ST14: variants seen among roughly 807,000 people sequenced by gnomAD.
ST14 encodes ST14 transmembrane serine protease matriptase.
ST14 carries 40 observed loss-of-function variants against 96.5 expected under a neutral mutation model. The observed-to-expected ratio is 0.41, with a 90% CI of 0.32 to 0.54. The LOEUF is 0.54. Among genes scored for constraint, ST14 ranks in the 20% least tolerant of loss-of-function variants. The pLI, the probability that ST14 is intolerant of heterozygous loss-of-function variation, is 0.17. For synonymous variants in ST14, 506 were observed against 492.1 expected (o/e 1.03, Z -0.37); for missense variants, 1,066 against 1,188.9 (o/e 0.90, Z 1.52).
chr11:130,188,066 G>A lies in ST14; in HGVS notation c.82-48G>A. On this transcript the variant is annotated intron_variant, in intron 1 of 18. Transcript: ENST00000278742. This position sits in a 1 kb window ranked among gnomAD's most constrained non-coding sequence, Gnocchi z 5.4. ...AACATCTTCCCCAGCGGGGTGCAGGGGAAGAGCGGGTGAGAGGGTCTGAGT... is the reference window on the plus strand; with the variant it reads ...AACATCTTCCCCAGCGGGGTGCAGGAGAAGAGCGGGTGAGAGGGTCTGAGT... 2 of 1,610,560 alleles carry A rather than the reference G, an allele frequency of 1.2e-6. No individual in the cohort carries two copies. The highest frequency in any genetic ancestry group is 1.7e-6 in the Non-Finnish European group (2 of 1,178,320).
At chr11:130,160,173 G>C in intron 1 of ST14, 113 bp downstream of exon 1, 2 of 694,910 alleles carry the variant, frequency 2.9e-6, no homozygotes, top group Non-Finnish European at 4.1e-6. Context: ...GCCGAGCTCT[G>C]GGCGCACAGG....
intron 6 of ST14, 133 bp downstream of exon 6, chr11:130,190,281 C>A: frequency 6.8e-7 from 1 of 1,479,664 alleles, no homozygotes; most frequent in South Asian, 1.2e-5. Context: ...CCAGGCCCTT[C>A]CTCTTCCAGG....
At chr11:130,189,534 T>G in intron 4 of ST14, 24 of 638,912 alleles carry the variant, frequency 3.8e-5, no homozygotes, top group Non-Finnish European at 5.4e-5. Flanking sequence ...TGGTTGGGGA[T>G]GAGACTGTGA....
intron 16 of ST14, among the ~76,000 whole-genome samples, chr11:130,205,213 G>A (rs566763158): frequency 3.3e-4 from 50 of 152,044 alleles, no homozygotes; most frequent in Non-Finnish European, 5.1e-4. Context: ...TGCAACCTCT[G>A]CCTCCCGGCT....
intron 1 of ST14, among the ~76,000 whole-genome samples, chr11:130,169,002 A>C (rs1246509412): frequency 6.6e-6 from 1 of 150,630 alleles, no homozygotes; most frequent in Non-Finnish European, 1.5e-5. Flanking sequence ...GGATGCAACA[A>C]CTTGAAAGAC....
chr11:130,191,345 A>AAGGGGT (rs1953297330), intron 7 of ST14, among the ~76,000 whole-genome samples: 1 of 152,062 alleles, frequency 6.6e-6, no homozygotes, highest in African/African-American at 2.4e-5. Context: ...CCACATGAGG[A>AAGGGGT]AACACCAGGT....
At chr11:130,160,123 G>A in intron 1 of ST14, 63 bp downstream of exon 1, 1 of 1,191,326 alleles carries the variant, frequency 8.4e-7, no homozygotes. Flanking sequence ...CTGCAGCGCG[G>A]CGCTGGGCTC....
intron 1 of ST14, among the ~76,000 whole-genome samples, chr11:130,179,233 G>C (rs764288891): frequency 6.6e-6 from 1 of 152,206 alleles, no homozygotes; most frequent in Non-Finnish European, 1.5e-5. Context: ...AGGGAGAGGG[G>C]CTTGGGAATC....
intron 7 of ST14, 77 bp downstream of exon 7, chr11:130,190,771 G>C: frequency 1.4e-6 from 2 of 1,479,998 alleles, no homozygotes; most frequent in Non-Finnish European, 1.8e-6. Flanking sequence ...TTCAACGATT[G>C]GGATACAGTT....
At chr11:130,193,451 C>T (rs1953325205) in intron 7 of ST14, among the ~76,000 whole-genome samples, 1 of 150,414 alleles carries the variant, frequency 6.6e-6, no homozygotes, top group Non-Finnish European at 1.5e-5. Context: ...CTGTTGTGGG[C>T]ATGTATTGTG....
intron 7 of ST14, 91 bp downstream of exon 7, chr11:130,190,785 G>A: frequency 2.1e-6 from 3 of 1,445,238 alleles, no homozygotes; most frequent in Non-Finnish European, 2.8e-6. Flanking sequence ...TACAGTTTAT[G>A]ACTCTTGGCC....
At chr11:130,171,926 A>T (rs1953095586) in intron 1 of ST14, among the ~76,000 whole-genome samples, 1 of 152,222 alleles carries the variant, frequency 6.6e-6, no homozygotes, top group South Asian at 2.1e-4. Context: ...CACGAAGACA[A>T]CAAGACCCTC....
chr11:130,208,061 G>A (rs1251962032), intron 16 of ST14, among the ~76,000 whole-genome samples: 1 of 150,866 alleles, frequency 6.6e-6, no homozygotes, highest in African/African-American at 2.4e-5. Context: ...GTGACAGAGC[G>A]AGACTCAGTC....
chr11:130,177,542 G>T (rs1026224972), intron 1 of ST14, among the ~76,000 whole-genome samples: 1 of 152,088 alleles, frequency 6.6e-6, no homozygotes, highest in African/African-American at 2.4e-5. Context: ...CAGCCTGGGC[G>T]ACAAGAGCGA....
intron 1 of ST14, among the ~76,000 whole-genome samples, chr11:130,178,993 G>A (rs1056639645): frequency 6.6e-6 from 1 of 152,184 alleles, no homozygotes; most frequent in African/African-American, 2.4e-5. Context: ...GGGCGTGGAA[G>A]CAAAGTTCGA....
intron 7 of ST14, among the ~76,000 whole-genome samples, chr11:130,192,117 C>T (rs1286676688): frequency 6.6e-6 from 1 of 152,330 alleles, no homozygotes; most frequent in South Asian, 2.1e-4. Flanking sequence ...GTGGGTGAGC[C>T]GCCTCTCCTG....
chr11:130,178,178 G>A (rs1953159387), intron 1 of ST14, among the ~76,000 whole-genome samples: 1 of 152,182 alleles, frequency 6.6e-6, no homozygotes, highest in African/African-American at 2.4e-5. Flanking sequence ...TCAAGAGAAA[G>A]GGGATAGGAA....
At chr11:130,197,762 T>C in intron 11 of ST14, 79 bp from the exon 12 acceptor site, 1 of 1,251,476 alleles carries the variant, frequency 8.0e-7, no homozygotes. Flanking sequence ...GCTGGGAGGT[T>C]GGCCCGAGGG....
At chr11:130,199,181 C>A in intron 15 of ST14, 112 bp downstream of exon 15, 1 of 1,203,812 alleles carries the variant, frequency 8.3e-7, no homozygotes, top group Non-Finnish European at 1.2e-6. Context: ...CAGCTCTGTG[C>A]TTGGGTGAGA....
Sources: gnomAD v4.1 joint callset for allele counts (sites outside exome capture counted in the v4.1 genomes callset) on GRCh38, gnomAD v4.1.1 for gene constraint, Gnocchi (gnomAD v3.1) non-coding constraint, MANE v1.5 for transcripts, NCBI Gene and HGNC (gene_info 2026-07-23, HGNC 2026-07-21) for gene names.